Variants in SORL1-AS1 observed in about 807,000 individuals in gnomAD.
The protein encoded by SORL1-AS1 is SORL1 antisense RNA 1.
At chr11:121,449,410 T>C (rs1478177886) in exon 2 of SORL1-AS1, 2 of 152,208 alleles carry the variant, frequency 1.3e-5, no homozygotes, top group African/African-American at 4.8e-5. Flanking sequence ...CTCACTCATA[T>C]TGCACGATTC....
At chr11:121,439,574 C>G in the SORL1-AS1 span, among the ~76,000 whole-genome samples, 4 of 151,908 alleles carry the variant, frequency 2.6e-5, no homozygotes, top group South Asian at 2.1e-4. Context: ...AACTCAATGT[C>G]TCTGATCTTC....
downstream of SORL1-AS1, among the ~76,000 whole-genome samples, chr11:121,443,501 A>G (rs952939390): frequency 6.6e-6 from 1 of 152,216 alleles, no homozygotes; most frequent in African/African-American, 2.4e-5. Flanking sequence ...GCTTTTCCTT[A>G]TTCATAGTTG....
chr11:121,441,776 G>A, the SORL1-AS1 span, among the ~76,000 whole-genome samples: 1 of 152,076 alleles, frequency 6.6e-6, no homozygotes, highest in Non-Finnish European at 1.5e-5. Context: ...CTGAACTCCC[G>A]ACAGCTGCAT....
At chr11:121,446,070 C>A (rs1274033460), downstream of SORL1-AS1, among the ~76,000 whole-genome samples, 1 of 152,146 alleles carries the variant, frequency 6.6e-6, no homozygotes, top group East Asian at 1.9e-4. Context: ...AATTGTTCCT[C>A]CTTCCAGAAC....
downstream of SORL1-AS1, among the ~76,000 whole-genome samples, chr11:121,444,789 A>C (rs1414573090): frequency 6.6e-6 from 1 of 152,216 alleles, no homozygotes; most frequent in Non-Finnish European, 1.5e-5. Flanking sequence ...TCATTATCAC[A>C]GAATAGCAGC....
downstream of SORL1-AS1, among the ~76,000 whole-genome samples, chr11:121,443,504 C>T (rs1860688514): frequency 6.6e-6 from 1 of 152,242 alleles, no homozygotes; most frequent in African/African-American, 2.4e-5. Context: ...TTTCCTTATT[C>T]ATAGTTGCTA....
Position 121,452,726 on chromosome 11 carries a change from C to A in SORL1-AS1, n.288G>T, listed in dbSNP as rs1408985972. The A allele has an allele frequency of 6.2e-6, 6 of 969,872 alleles. No homozygotes were observed. The highest frequency in any genetic ancestry group is 4.2e-5 in the Admixed American group (1 of 24,060). The allele number at this position is 969,872 out of a possible 1,614,324, so 60.1% of individuals were successfully genotyped here. A position where few individuals can be genotyped will look rare whatever the true frequency, so the allele number is the denominator to read the frequency against. ...TCCTAGGTGCAGGCACCACTGGGGA[C>A]TTCCCGGCTTGCATTTGTTTTTTTC... On this transcript the variant is annotated non_coding_transcript_exon_variant, in exon 1 of 2. Coordinates refer to ENST00000501964, the Ensembl canonical transcript of SORL1-AS1. The surrounding 1 kb of genome is among the most constrained non-coding windows in gnomAD (Gnocchi z 5.3).
intron 1 of SORL1-AS1, among the ~76,000 whole-genome samples, chr11:121,451,163 C>T (rs534638722): frequency 6.6e-6 from 1 of 152,228 alleles, no homozygotes; most frequent in South Asian, 2.1e-4. Flanking sequence ...TATCAAAAAC[C>T]AGGATCTGAG....
At chr11:121,439,151 C>G in the SORL1-AS1 span, among the ~76,000 whole-genome samples, 1 of 152,128 alleles carries the variant, frequency 6.6e-6, no homozygotes. Flanking sequence ...TGAGAAAATG[C>G]CAGTTTTCCA....
the SORL1-AS1 span, among the ~76,000 whole-genome samples, chr11:121,439,249 T>C: frequency 0.01 from 1,573 of 152,244 alleles, 16 homozygotes; most frequent in Non-Finnish European, 0.015. Flanking sequence ...ACTGTTAAAA[T>C]TTTTAAATTT....
Position 121,452,359 on chromosome 11 carries a change from T to C in SORL1-AS1, n.339+316A>G. 6.5e-7 allele frequency: 1 copy of C among 1,548,684 alleles called. No homozygotes were observed. Among genetic ancestry groups the C allele is most frequent in the Non-Finnish European group, 8.7e-7 (1 of 1,152,264 alleles). ...GGCGACACGGAGCAGCAGGAGGGAG[T>C]CGCGACTCCCGTTCCTATTCACCCT... On this transcript the variant is annotated intron_variant and non_coding_transcript_variant, in intron 1 of 1. Coordinates refer to ENST00000501964, the Ensembl canonical transcript of SORL1-AS1. The surrounding 1 kb of genome is among the most constrained non-coding windows in gnomAD (Gnocchi z 5.3).
At position 121,452,499 on chromosome 11, in the gene SORL1-AS1, C is replaced by G; in HGVS notation, n.339+176G>C. Reference sequence around the variant, plus strand: ...TCCTCGTGGTGCAGGGCGACCCGCGCGAGCTGCGGCTGTGGGCGCGCGGGG... The same window carrying G: ...TCCTCGTGGTGCAGGGCGACCCGCGGGAGCTGCGGCTGTGGGCGCGCGGGG... On this transcript the variant is annotated intron_variant and non_coding_transcript_variant, in intron 1 of 1. Transcript: ENST00000501964. The surrounding 1 kb of genome is among the most constrained non-coding windows in gnomAD (Gnocchi z 5.3). 1 of 1,479,350 alleles carries G rather than the reference C, an allele frequency of 6.8e-7. No homozygotes were observed. The highest frequency in any genetic ancestry group is 8.9e-7 in the Non-Finnish European group (1 of 1,118,078). The allele number at this position is 1,479,350 out of a possible 1,614,324, so 91.6% of individuals were successfully genotyped here. A position where few individuals can be genotyped will look rare whatever the true frequency, so the allele number is the denominator to read the frequency against.
At position 121,452,459 on chromosome 11, in the gene SORL1-AS1, C is replaced by A; in HGVS notation, n.339+216G>T. The A allele has an allele frequency of 6.6e-7, 1 of 1,508,814 alleles. No homozygotes were observed. Among genetic ancestry groups the A allele is most frequent in the African/African-American group, 1.4e-5 (1 of 69,100 alleles). 93.5% of individuals were successfully genotyped at this position (1,508,814 alleles called of 1,614,324 possible). Reference sequence around the variant, plus strand: ...CTGCACGGCGGCAGCGCGCCCTTGCCCCAGGACCGGGGCTTCCTCGTGGTG... The same window carrying A: ...CTGCACGGCGGCAGCGCGCCCTTGCACCAGGACCGGGGCTTCCTCGTGGTG... On this transcript the variant is annotated intron_variant and non_coding_transcript_variant, in intron 1 of 1. Transcript: ENST00000501964. The surrounding 1 kb of genome is among the most constrained non-coding windows in gnomAD (Gnocchi z 5.3).
chr11:121,449,215 T>G (rs578078767), exon 2 of SORL1-AS1: 1 of 152,298 alleles, frequency 6.6e-6, no homozygotes, highest in Admixed American at 6.5e-5. Context: ...ATCATTACAT[T>G]TCCGTGCATG....
chr11:121,442,676 TATTTATTTA>T (rs1341504053), downstream of SORL1-AS1, among the ~76,000 whole-genome samples: 1 of 146,256 alleles, frequency 6.8e-6, no homozygotes, highest in African/African-American at 2.5e-5. Flanking sequence ...TTTATTTATT[TATTTATTTA>T]TTTATTTTTT....
exon 2 of SORL1-AS1, chr11:121,448,606 A>G (rs1860753325): frequency 6.6e-6 from 1 of 152,148 alleles, no homozygotes; most frequent in African/African-American, 2.4e-5. Flanking sequence ...CTGAGATTCA[A>G]CTACATTGGC....
At chr11:121,444,034 A>G (rs888504624), downstream of SORL1-AS1, among the ~76,000 whole-genome samples, 4 of 152,124 alleles carry the variant, frequency 2.6e-5, no homozygotes, top group African/African-American at 9.7e-5. Flanking sequence ...GCCTTCTGGT[A>G]CAGGATGTGT....
chr11:121,451,251 G>T (rs1472772546), intron 1 of SORL1-AS1, among the ~76,000 whole-genome samples: 4 of 152,078 alleles, frequency 2.6e-5, no homozygotes. Context: ...CCACTAACCT[G>T]CAAAAAAAAT....
Position 121,452,448 on chromosome 11 carries a change from C to T in SORL1-AS1, n.339+227G>A. 1 of 1,500,032 alleles carries T rather than the reference C, an allele frequency of 6.7e-7. No homozygotes were observed. The highest frequency in any genetic ancestry group is 8.9e-7 in the Non-Finnish European group (1 of 1,128,318). The allele number at this position is 1,500,032 out of a possible 1,614,324, so 92.9% of individuals were successfully genotyped here. ...GGACGCAGAGGCTGCACGGCGGCAGCGCGCCCTTGCCCCAGGACCGGGGCT... is the reference window on the plus strand; with the variant it reads ...GGACGCAGAGGCTGCACGGCGGCAGTGCGCCCTTGCCCCAGGACCGGGGCT... On this transcript the variant is annotated intron_variant and non_coding_transcript_variant, in intron 1 of 1. Transcript: ENST00000501964. The surrounding 1 kb of genome is among the most constrained non-coding windows in gnomAD (Gnocchi z 5.3).
Sources: gnomAD v4.1 joint callset for allele counts (sites outside exome capture counted in the v4.1 genomes callset) on GRCh38, gnomAD v4.1.1 for gene constraint, Gnocchi (gnomAD v3.1) non-coding constraint, MANE v1.5 for transcripts, NCBI Gene and HGNC (gene_info 2026-07-23, HGNC 2026-07-21) for gene names.